Variants in NR5A2 observed in about 807,000 individuals in gnomAD.
NR5A2 encodes nuclear receptor subfamily 5 group A member 2.
Under a neutral mutation model 62.7 loss-of-function variants are expected in NR5A2, and 26 were observed. That is an observed-to-expected ratio of 0.41 (90% CI 0.30 to 0.58). NR5A2 has a LOEUF of 0.58. Among genes scored for constraint, NR5A2 ranks in the 20% least tolerant of loss-of-function variants. NR5A2 has a pLI of 0.22. For synonymous variants in NR5A2, 246 were observed against 241.7 expected, an observed-to-expected ratio of 1.02 and a Z score of -0.16; for missense variants, 541 against 669.1, an observed-to-expected ratio of 0.81 and a Z score of 2.11.
chr1:200,052,941 A>G (rs1375188251), intron 5 of NR5A2, among the ~76,000 whole-genome samples: 1 of 152,116 alleles, frequency 6.6e-6, no homozygotes, highest in Non-Finnish European at 1.5e-5. Flanking sequence ...CACCCGGCCT[A>G]CCTCTTGCTC....
rs150865274 is a variant in NR5A2, at chr1:200,069,060, C to T, written c.1110+20242C>T. 2.6e-5 allele frequency among the ~76,000 whole-genome samples: 4 copies of T among 152,200 alleles called. No individual in the cohort carries two copies. In the East Asian group the frequency reaches 5.8e-4, roughly 22 times the overall value. On this transcript the variant is annotated intron_variant, in intron 5 of 7. Coordinates refer to ENST00000367362, the MANE Select transcript of NR5A2 (RefSeq NM_205860.3). Reference sequence around the variant, plus strand: ...GTTCAGCATTTATAGCCTCATTAGACACTCTGTGGTTATTCAGTCTTAAGC... The same window carrying T: ...GTTCAGCATTTATAGCCTCATTAGATACTCTGTGGTTATTCAGTCTTAAGC...
chr1:200,043,646 A>C (rs1662223105), intron 2 of NR5A2, 128 bp from the exon 3 acceptor site: 1 of 568,254 alleles, frequency 1.8e-6, no homozygotes, highest in Non-Finnish European at 3.0e-6. Context: ...CCTTGCTAAA[A>C]ATTGTTTTTA....
In NR5A2 at chr1:200,147,962, G is replaced by A; in HGVS notation, c.1379-26001G>A. 9.2e-6 allele frequency: 3 copies of A among 327,320 alleles called. No individual in the cohort carries two copies. The highest frequency in any genetic ancestry group is 1.7e-5 in the Non-Finnish European group (3 of 174,448). 20.3% of individuals were successfully genotyped at this position (327,320 alleles called of 1,614,324 possible). A position where few individuals can be genotyped will look rare whatever the true frequency, so the allele number is the denominator to read the frequency against. On this transcript the variant is annotated intron_variant, in intron 7 of 7. Transcript: ENST00000367362. The surrounding 1 kb of genome is among the most constrained non-coding windows in gnomAD (Gnocchi z 4.9). ...GTGTTGGTGTTGCCCTGTGGTAGGC[G>A]ATGCATCGGGCGGCCGCCTTGACCT...
intron 7 of NR5A2, among the ~76,000 whole-genome samples, chr1:200,143,511 G>C (rs114725365): frequency 6.6e-6 from 1 of 151,132 alleles, no homozygotes; most frequent in Non-Finnish European, 1.5e-5. Flanking sequence ...CCAGCCCTGC[G>C]CCATGCTTTA....
intron 5 of NR5A2, among the ~76,000 whole-genome samples, chr1:200,087,383 T>C (rs1437745458): frequency 2.0e-5 from 3 of 152,062 alleles, no homozygotes; most frequent in African/African-American, 7.2e-5. Flanking sequence ...CTACTTGTAC[T>C]CTCCATCCAC....
intron 4 of NR5A2, among the ~76,000 whole-genome samples, chr1:200,046,962 A>G (rs1662397049): frequency 6.6e-6 from 1 of 152,224 alleles, no homozygotes; most frequent in Non-Finnish European, 1.5e-5. Flanking sequence ...TGAATATTCA[A>G]TAAATTATCA....
intron 5 of NR5A2, among the ~76,000 whole-genome samples, chr1:200,085,502 A>G (rs1354979814): frequency 2.6e-5 from 4 of 152,128 alleles, no homozygotes; most frequent in Non-Finnish European, 5.9e-5. Context: ...TAAGCTCAGC[A>G]TGTAACTTCA....
chr1:200,144,229 TCTCTCACACACACACACACACACA>T (rs1479057419), intron 7 of NR5A2, among the ~76,000 whole-genome samples: 1 of 127,012 alleles, frequency 7.9e-6, no homozygotes, highest in Non-Finnish European at 1.6e-5. Context: ...TCTCTCTCTC[TCTCTCACACACACACACACACACA>T]CACACACACA....
intron 7 of NR5A2, among the ~76,000 whole-genome samples, chr1:200,130,739 T>G (rs1035197477): frequency 2.0e-5 from 3 of 152,228 alleles, no homozygotes; most frequent in African/African-American, 7.2e-5. Context: ...TCACAATATT[T>G]GCTTTATTGC....
At chr1:200,139,613 C>G (rs892410847) in intron 7 of NR5A2, among the ~76,000 whole-genome samples, 11 of 152,132 alleles carry the variant, frequency 7.2e-5, no homozygotes, top group Non-Finnish European at 1.0e-4. Flanking sequence ...TTTTATTGTT[C>G]TGGTTCTAGC....
At position 200,039,101 on chromosome 1, in the gene NR5A2, G is replaced by A. The variant is rs1260293056; in HGVS notation, c.65-557G>A. On this transcript the variant is annotated intron_variant, in intron 1 of 7. Coordinates refer to ENST00000367362, the MANE Select transcript of NR5A2 (RefSeq NM_205860.3). The surrounding 1 kb of genome is among the most constrained non-coding windows in gnomAD (Gnocchi z 5.1). ...GGAGTGGACCAGGCAGGAGAGGGAG[G>A]TTGGAACTTCACAACTCCACACTTG... is the stretch of plus-strand genomic sequence containing the variant. Among the ~76,000 whole-genome samples, 3 of 152,136 alleles carry A rather than the reference G, an allele frequency of 2.0e-5. No individual in the cohort carries two copies. Among genetic ancestry groups the A allele is most frequent in the African/African-American group, 4.8e-5 (2 of 41,432 alleles).
chr1:200,052,012 C>T (rs1031378473), intron 5 of NR5A2, among the ~76,000 whole-genome samples: 1 of 152,168 alleles, frequency 6.6e-6, no homozygotes, highest in Non-Finnish European at 1.5e-5. Context: ...GCCACGCACT[C>T]TGATATTTTC....
intron 5 of NR5A2, among the ~76,000 whole-genome samples, chr1:200,093,368 C>T (rs903099870): frequency 2.6e-5 from 4 of 152,096 alleles, no homozygotes; most frequent in Admixed American, 6.5e-5. Context: ...GAATCCGGCT[C>T]ATAAAACACA....
chr1:200,083,144 A>G (rs1290135228), intron 5 of NR5A2, among the ~76,000 whole-genome samples: 1 of 151,668 alleles, frequency 6.6e-6, no homozygotes, highest in East Asian at 1.9e-4. Context: ...TCAACAATGT[A>G]AAGTAGTTTT....
intron 5 of NR5A2, among the ~76,000 whole-genome samples, chr1:200,065,408 G>A (rs980613385): frequency 6.6e-6 from 1 of 152,174 alleles, no homozygotes; most frequent in Non-Finnish European, 1.5e-5. Flanking sequence ...CTCCCAAAAT[G>A]TTGGGATTAC....
intron 7 of NR5A2, among the ~76,000 whole-genome samples, chr1:200,146,253 T>C (rs1667691582): frequency 6.6e-6 from 1 of 152,220 alleles, no homozygotes; most frequent in Admixed American, 6.5e-5. Context: ...CCTGCTACAA[T>C]TGGCCTCAGA....
At position 200,175,901 on chromosome 1, in the gene NR5A2, AGTAGT is replaced by A. The variant is rs1352808811; in HGVS notation, c.*1695_*1699del. On this transcript the variant is annotated 3_prime_UTR_variant, in exon 8 of 8. Coordinates refer to ENST00000367362, the MANE Select transcript of NR5A2 (RefSeq NM_205860.3). Reference sequence around the variant, plus strand: ...TTTTCATAAATATTTCTGGCTTTTGAGTAGTGTATTTATATTGTATATCATACTTT... The same window carrying A: ...TTTTCATAAATATTTCTGGCTTTTGAGTATTTATATTGTATATCATACTTT... 1 of 152,584 alleles carries A rather than the reference AGTAGT, an allele frequency of 6.6e-6. No individual in the cohort carries two copies. Among genetic ancestry groups the A allele is most frequent in the Non-Finnish European group, 1.5e-5 (1 of 68,022 alleles). The allele number at this position is 152,584 out of a possible 1,614,324, so 9.5% of individuals were successfully genotyped here. A position where few individuals can be genotyped will look rare whatever the true frequency, so the allele number is the denominator to read the frequency against.
chr1:200,034,387 C>T lies in NR5A2; in HGVS notation c.65-5271C>T, dbSNP rs150227357. Reference sequence around the variant, plus strand: ...CCCTGCCCCACTCCTTTCTTAAGACCGGATCTCCCTGTTACATTCTTCTAA... The same window carrying T: ...CCCTGCCCCACTCCTTTCTTAAGACTGGATCTCCCTGTTACATTCTTCTAA... On this transcript the variant is annotated intron_variant, in intron 1 of 7. Coordinates refer to ENST00000367362, the MANE Select transcript of NR5A2 (RefSeq NM_205860.3). Among the ~76,000 whole-genome samples, 1,510 of 152,260 alleles carry T rather than the reference C, an allele frequency of 9.9e-3. 29 individuals carry two copies. Among genetic ancestry groups the T allele is most frequent in the African/African-American group, 0.034 (1,427 of 41,534 alleles).
At position 200,027,909 on chromosome 1, in the gene NR5A2, T is replaced by C. The variant is rs765156524; in HGVS notation, c.62T>C (p.Ile21Thr). 10 of 1,579,606 alleles carry C rather than the reference T, an allele frequency of 6.3e-6. No homozygotes were observed. The highest frequency in any genetic ancestry group is 2.3e-5 in the South Asian group (2 of 85,592). The change falls in exon 1 of 8, where the codon ATT becomes ACT. Residue 21 changes from isoleucine to threonine, a missense_variant and splice_region_variant. Physicochemically the swap from Ile to Thr is moderately conservative, Grantham distance 89. Around this residue, in one of 3 missense-constraint regions of NR5A2, gnomAD observed 108 missense variants for 103.3 expected, o/e 1.05. Transcript: ENST00000367362. ...TCTTTAAAGCACGGACTTACACCTA[T>C]TGGTAAGTAGGAGTTTCTCTATTGA... ...QESLKHGLTP[I>T]GAGLPDRHGS...
Sources: gnomAD v4.1 joint callset for allele counts (sites outside exome capture counted in the v4.1 genomes callset) on GRCh38, gnomAD v4.1.1 for gene constraint, gnomAD v4.1.1 regional missense constraint, Gnocchi (gnomAD v3.1) non-coding constraint, MANE v1.5 for transcripts, NCBI Gene and HGNC (gene_info 2026-07-23, HGNC 2026-07-21) for gene names.